Variants in TAFA1 observed in about 807,000 individuals in gnomAD.
The protein encoded by TAFA1 is TAFA chemokine like family member 1.
TAFA1 carries 4 observed loss-of-function variants against 18.5 expected under a neutral mutation model. The observed-to-expected ratio is 0.22, with a 90% CI of 0.11 to 0.49. The LOEUF is 0.49. Ranked by LOEUF, TAFA1 falls within the 20% of genes least tolerant of loss-of-function variation. The pLI, the probability that TAFA1 is intolerant of heterozygous loss-of-function variation, is 0.98. For synonymous variants in TAFA1, 56 were observed against 55.2 expected (o/e 1.01, Z -0.06); for missense variants, 147 against 169.0 (o/e 0.87, Z 0.72).
At position 68,302,583 on chromosome 3, in the gene TAFA1, A is replaced by G. The variant is rs139381045; in HGVS notation, c.119-114697A>G. Among the ~76,000 whole-genome samples, 162 of 151,456 alleles carry G rather than the reference A, an allele frequency of 1.1e-3. 3 individuals carry two copies. The East Asian group carries it at 0.03, about 28-fold the overall frequency. On this transcript the variant is annotated intron_variant, in intron 2 of 4. Transcript: ENST00000478136. The stretch of plus-strand genomic sequence containing the variant: ...ATTTTGAATCTTTGTTCTCTTATTC[A>G]TAAAAGTTCCAAGAGAATGGAGTAC...
chr3:68,332,455 A>C (rs2068897325), intron 2 of TAFA1, among the ~76,000 whole-genome samples: 1 of 152,222 alleles, frequency 6.6e-6, no homozygotes, highest in South Asian at 2.1e-4. Context: ...CAAAGAAAAC[A>C]GTCAACAAAA....
At chr3:68,301,645 T>C (rs1181952641) in intron 2 of TAFA1, among the ~76,000 whole-genome samples, 1 of 146,692 alleles carries the variant, frequency 6.8e-6, no homozygotes, top group Admixed American at 6.7e-5. Flanking sequence ...AAAAGATGGA[T>C]TTTTTTTTAA....
intron 2 of TAFA1, among the ~76,000 whole-genome samples, chr3:68,392,804 C>T (rs1039386832): frequency 6.6e-6 from 1 of 152,118 alleles, no homozygotes; most frequent in African/African-American, 2.4e-5. Flanking sequence ...TTCTTTGAAA[C>T]CAGTGAACAC....
At chr3:68,523,632 A>G (rs142970880) in intron 3 of TAFA1, among the ~76,000 whole-genome samples, 3 of 152,344 alleles carry the variant, frequency 2.0e-5, no homozygotes, top group African/African-American at 7.2e-5. Context: ...CCCAAAATAT[A>G]TATACTAAAA....
At chr3:68,319,538 G>A (rs144469001) in intron 2 of TAFA1, among the ~76,000 whole-genome samples, 2 of 152,308 alleles carry the variant, frequency 1.3e-5, no homozygotes. Flanking sequence ...CTGCAAAGTT[G>A]AGAAACCCTG....
chr3:68,377,443 C>T (rs1223306965), intron 2 of TAFA1, among the ~76,000 whole-genome samples: 1 of 152,182 alleles, frequency 6.6e-6, no homozygotes, highest in African/African-American at 2.4e-5. Context: ...GCATTCTGCC[C>T]TGCCCTAGAG....
At position 68,070,776 on chromosome 3, in the gene TAFA1, G is replaced by A. The variant is rs992646239; in HGVS notation, c.118+64032G>A. ...CTAAATCATCTCTCTCAAGTTCAAAGTTCCACAAATCTCTAGGGCATGGGC... is the reference window on the plus strand; with the variant it reads ...CTAAATCATCTCTCTCAAGTTCAAAATTCCACAAATCTCTAGGGCATGGGC... On this transcript the variant is annotated intron_variant, in intron 2 of 4. Transcript: ENST00000478136. 2.0e-5 allele frequency among the ~76,000 whole-genome samples: 3 copies of A among 152,262 alleles called. No homozygotes were observed. In the South Asian group the frequency reaches 6.2e-4, roughly 32 times the overall value.
intron 2 of TAFA1, among the ~76,000 whole-genome samples, chr3:68,026,221 G>C (rs1326870554): frequency 6.6e-6 from 1 of 151,842 alleles, no homozygotes; most frequent in Non-Finnish European, 1.5e-5. Flanking sequence ...CTGGTCATGG[G>C]AGTGAGGGCA....
At chr3:68,205,474 C>T (rs1487074384) in intron 2 of TAFA1, among the ~76,000 whole-genome samples, 1 of 151,872 alleles carries the variant, frequency 6.6e-6, no homozygotes, top group Non-Finnish European at 1.5e-5. Flanking sequence ...CACAAATTCT[C>T]TCGGTCCCAC....
At chr3:68,033,658 G>T (rs1704983934) in intron 2 of TAFA1, among the ~76,000 whole-genome samples, 1 of 152,078 alleles carries the variant, frequency 6.6e-6, no homozygotes, top group African/African-American at 2.4e-5. Flanking sequence ...ACTTATTAAG[G>T]AATGGATGGA....
intron 3 of TAFA1, among the ~76,000 whole-genome samples, chr3:68,455,277 A>G (rs372473406): frequency 4.1e-4 from 62 of 151,998 alleles, no homozygotes; most frequent in African/African-American, 1.4e-3. Context: ...CAGTTGGAGG[A>G]GGTGGAATGG....
At chr3:68,486,460 C>A (rs1053691356) in intron 3 of TAFA1, among the ~76,000 whole-genome samples, 2 of 152,164 alleles carry the variant, frequency 1.3e-5, no homozygotes, top group African/African-American at 2.4e-5. Context: ...ATGCCTCCAA[C>A]ATGAGAAAAG....
At chr3:68,087,863 A>T (rs12639184) in intron 2 of TAFA1, among the ~76,000 whole-genome samples, 13 of 152,058 alleles carry the variant, frequency 8.5e-5, no homozygotes, top group East Asian at 5.8e-4. Flanking sequence ...TATTTAAAAA[A>T]TTTTTTTCTA....
upstream of TAFA1, among the ~76,000 whole-genome samples, chr3:68,001,540 C>T (rs1290550584): frequency 6.7e-6 from 1 of 149,240 alleles, no homozygotes; most frequent in Non-Finnish European, 1.5e-5. Context: ...GATTTTTATT[C>T]TTTCTTAAGC....
chr3:68,440,946 G>T (rs1036821037), intron 3 of TAFA1, among the ~76,000 whole-genome samples: 1 of 152,110 alleles, frequency 6.6e-6, no homozygotes, highest in Non-Finnish European at 1.5e-5. Flanking sequence ...GTCTCCTGGT[G>T]GCAGTGTTCC....
At chr3:68,018,986 G>T (rs1320363413) in intron 2 of TAFA1, among the ~76,000 whole-genome samples, 2 of 152,126 alleles carry the variant, frequency 1.3e-5, no homozygotes, top group African/African-American at 4.8e-5. Flanking sequence ...ACAAAACATT[G>T]CAAAATGTGC....
chr3:68,024,532 T>C (rs1407103549), intron 2 of TAFA1, among the ~76,000 whole-genome samples: 3 of 152,104 alleles, frequency 2.0e-5, no homozygotes, highest in African/African-American at 2.4e-5. Flanking sequence ...TTAGCTAAAA[T>C]ATTTGCCTTG....
At chr3:68,213,794 A>T (rs1247358082) in intron 2 of TAFA1, among the ~76,000 whole-genome samples, 1 of 152,104 alleles carries the variant, frequency 6.6e-6, no homozygotes, top group African/African-American at 2.4e-5. Flanking sequence ...TACCCAGCTT[A>T]GAACTTCTTA....
intron 2 of TAFA1, among the ~76,000 whole-genome samples, chr3:68,163,572 T>G (rs1258841290): frequency 6.6e-6 from 1 of 152,218 alleles, no homozygotes; most frequent in Non-Finnish European, 1.5e-5. Flanking sequence ...AGTGTTATGA[T>G]GCTCCCATAG....
Sources: allele counts gnomAD v4.1 joint callset (sites outside exome capture counted in the v4.1 genomes callset), GRCh38; gene constraint gnomAD v4.1.1; transcripts MANE v1.5; gene names NCBI Gene and HGNC (gene_info 2026-07-23, HGNC 2026-07-21).